MAGI2: variants seen among roughly 807,000 people sequenced by gnomAD.
The protein encoded by MAGI2 is membrane-associated guanylate kinase, WW and PDZ domain-containing protein 2.
Under a neutral mutation model 133.3 loss-of-function variants are expected in MAGI2, and 35 were observed. The ratio of observed to expected loss-of-function variants is 0.26; its 90% CI spans 0.20 to 0.35. MAGI2 has a LOEUF of 0.35. Ranked by LOEUF, MAGI2 falls within the 10% of genes least tolerant of loss-of-function variation. MAGI2 has a pLI of 1.00. For missense variants in MAGI2, 1,636 were observed against 1,863.4 expected, an observed-to-expected ratio of 0.88 and a Z score of 2.25; for synonymous variants, 729 against 710.6, an observed-to-expected ratio of 1.03 and a Z score of -0.41.
chr7:78,953,667 G>T (rs1562709878), intron 2 of MAGI2, among the ~76,000 whole-genome samples: 1 of 152,010 alleles, frequency 6.6e-6, no homozygotes, highest in Non-Finnish European at 1.5e-5. Flanking sequence ...CTCTGTCTTT[G>T]CTTAGTATCA....
At chr7:79,202,436 CTTA>C (rs1828694068) in intron 1 of MAGI2, among the ~76,000 whole-genome samples, 1 of 151,754 alleles carries the variant, frequency 6.6e-6, no homozygotes, top group East Asian at 1.9e-4. Flanking sequence ...ATTTTTAGTT[CTTA>C]TTATTATGTT....
chr7:78,986,656 G>C (rs1805291925), intron 2 of MAGI2, among the ~76,000 whole-genome samples: 1 of 151,882 alleles, frequency 6.6e-6, no homozygotes, highest in African/African-American at 2.4e-5. Flanking sequence ...CAGAGTGCTG[G>C]GATTACAGGC....
intron 1 of MAGI2, among the ~76,000 whole-genome samples, chr7:79,296,740 G>A (rs1264520783): frequency 6.6e-6 from 1 of 152,078 alleles, no homozygotes; most frequent in African/African-American, 2.4e-5. Flanking sequence ...TAGAGGAGAG[G>A]GGAGAATGAG....
chr7:78,282,904 G>A (rs1490726982), intron 9 of MAGI2, among the ~76,000 whole-genome samples: 2 of 151,866 alleles, frequency 1.3e-5, no homozygotes, highest in African/African-American at 2.4e-5. Flanking sequence ...TGATGTTTAT[G>A]TTAACAATGA....
intron 2 of MAGI2, among the ~76,000 whole-genome samples, chr7:78,952,655 A>T (rs1478332223): frequency 6.6e-6 from 1 of 152,192 alleles, no homozygotes; most frequent in African/African-American, 2.4e-5. Context: ...GTAACTATGA[A>T]GAAAAGACTC....
At chr7:78,713,864 C>A (rs1172435600) in intron 2 of MAGI2, among the ~76,000 whole-genome samples, 1 of 152,022 alleles carries the variant, frequency 6.6e-6, no homozygotes, top group Non-Finnish European at 1.5e-5. Context: ...TTGTTTTTAG[C>A]AACCATCCTT....
intron 2 of MAGI2, among the ~76,000 whole-genome samples, chr7:78,637,351 C>A (rs1421575385): frequency 6.6e-6 from 1 of 151,846 alleles, no homozygotes; most frequent in African/African-American, 2.4e-5. Flanking sequence ...TTGGCTCTAT[C>A]TATGCAACAG....
intron 1 of MAGI2, among the ~76,000 whole-genome samples, chr7:79,136,003 G>GAAAGAAAGAGAGAGAAAGAA (rs749343638): frequency 4.9e-5 from 2 of 40,890 alleles, no homozygotes; most frequent in African/African-American, 1.8e-4. Context: ...AAGAAAGAAA[G>GAAAGAAAGAGAGAGAAAGAA]AGAAAGAAAG....
At chr7:78,421,062 A>G (rs1220197563) in intron 6 of MAGI2, among the ~76,000 whole-genome samples, 1 of 152,196 alleles carries the variant, frequency 6.6e-6, no homozygotes, top group African/African-American at 2.4e-5. Context: ...AACGGACTCA[A>G]GGATGAAATT....
intron 6 of MAGI2, among the ~76,000 whole-genome samples, chr7:78,440,318 A>T (rs182676348): frequency 2.0e-5 from 3 of 152,282 alleles, no homozygotes; most frequent in South Asian, 4.1e-4. Flanking sequence ...AATAGAGGTC[A>T]TATGGCTGAT....
At chr7:79,451,415 C>T (rs1184806045) in intron 1 of MAGI2, among the ~76,000 whole-genome samples, 3 of 152,176 alleles carry the variant, frequency 2.0e-5, no homozygotes, top group African/African-American at 7.2e-5. Context: ...ACATGAATCT[C>T]TGTATTTGAA....
intron 1 of MAGI2, among the ~76,000 whole-genome samples, chr7:79,301,486 T>C (rs1837393440): frequency 6.6e-6 from 1 of 152,184 alleles, no homozygotes; most frequent in Admixed American, 6.5e-5. Context: ...TTTTGGCCAA[T>C]TTCTCCCTTT....
intron 1 of MAGI2, among the ~76,000 whole-genome samples, chr7:79,168,522 A>G (rs1177150640): frequency 1.3e-5 from 2 of 152,064 alleles, no homozygotes; most frequent in Non-Finnish European, 2.9e-5. Context: ...CTTCTTGTAT[A>G]AGCTCATACT....
chr7:78,751,428 G>A (rs184986002), intron 2 of MAGI2, among the ~76,000 whole-genome samples: 51 of 152,268 alleles, frequency 3.3e-4, no homozygotes, highest in African/African-American at 1.1e-3. Flanking sequence ...TCAGCAAAAG[G>A]ACGACAGAAG....
intron 6 of MAGI2, among the ~76,000 whole-genome samples, chr7:78,447,551 T>G (rs1478023389): frequency 6.6e-6 from 1 of 152,004 alleles, no homozygotes; most frequent in Non-Finnish European, 1.5e-5. Flanking sequence ...GATCTGGAGG[T>G]CAGCGGGGGA....
intron 16 of MAGI2, among the ~76,000 whole-genome samples, chr7:78,150,767 C>G (rs1823789885): frequency 6.6e-6 from 1 of 152,130 alleles, no homozygotes; most frequent in Admixed American, 6.5e-5. Flanking sequence ...AAAAATGATT[C>G]CCTAGTGGGG....
intron 6 of MAGI2, among the ~76,000 whole-genome samples, chr7:78,462,728 A>G (rs1790191574): frequency 6.6e-6 from 1 of 152,226 alleles, no homozygotes. Context: ...CAGAATCAAA[A>G]GCTTCCTAGA....
At chr7:78,481,438 A>T (rs1343819130) in intron 6 of MAGI2, among the ~76,000 whole-genome samples, 2 of 151,942 alleles carry the variant, frequency 1.3e-5, no homozygotes. Context: ...CTCTTGACAC[A>T]TGGGAATTAC....
At chr7:78,348,414 TA>T (rs1158850971) in intron 7 of MAGI2, 1 of 152,194 alleles carries the variant, frequency 6.6e-6, no homozygotes, top group African/African-American at 2.4e-5. Flanking sequence ...TTATGGTTGT[TA>T]TTTTTTTGAG....
Sources: allele counts gnomAD v4.1 joint callset (sites outside exome capture counted in the v4.1 genomes callset), GRCh38; gene constraint gnomAD v4.1.1; transcripts MANE v1.5; gene names NCBI Gene and HGNC (gene_info 2026-07-23, HGNC 2026-07-21).